THSD7A: variants seen among roughly 807,000 people sequenced by gnomAD.
THSD7A encodes thrombospondin type-1 domain-containing protein 7A.
A neutral mutation model predicts 231.3 loss-of-function variants in THSD7A; 96 were observed. The ratio of observed to expected loss-of-function variants is 0.41; its 90% CI spans 0.35 to 0.49. The LOEUF is 0.49. Ranked by LOEUF, THSD7A falls within the 20% of genes least tolerant of loss-of-function variation. The pLI is 0.05. For missense variants in THSD7A, 2,290 were observed against 2,070.2 expected, an observed-to-expected ratio of 1.11 and a Z score of -2.06; for synonymous variants, 940 against 743.3, an observed-to-expected ratio of 1.26 and a Z score of -4.30.
chr7:11,666,407 A>G lies in THSD7A; in HGVS notation c.191-29446T>C, dbSNP rs143620836. On this transcript the variant is annotated intron_variant, in intron 1 of 27. Transcript: ENST00000423059. Reference sequence around the variant, plus strand: ...AACCATCAGAAAGCAAAGGTGTTAGATGTGGAATTTTCCACTTGTGGCATT... The same window carrying G: ...AACCATCAGAAAGCAAAGGTGTTAGGTGTGGAATTTTCCACTTGTGGCATT... Among the ~76,000 whole-genome samples, 737 of 142,408 alleles carry G rather than the reference A, an allele frequency of 5.2e-3. 6 individuals are homozygous for G. The highest frequency in any genetic ancestry group is 0.019 in the African/African-American group (704 of 37,460). The allele number at this position is 142,408 out of a possible 152,430, so 93.4% of individuals were successfully genotyped here. A position where few individuals can be genotyped will look rare whatever the true frequency, so the allele number is the denominator to read the frequency against.
At chr7:11,508,158 C>T (rs544777065) in intron 6 of THSD7A, among the ~76,000 whole-genome samples, 15 of 152,316 alleles carry the variant, frequency 9.8e-5, no homozygotes, top group Admixed American at 7.8e-4. Context: ...CACCAGGTCC[C>T]TCCCTGGACC....
In THSD7A at chr7:11,648,005, C is replaced by G. The variant is rs112230107; in HGVS notation, c.191-11044G>C. Among the ~76,000 whole-genome samples the G allele has an allele frequency of 3.9e-5, 6 of 152,238 alleles. 1 individual carries two copies. Among genetic ancestry groups the G allele is most frequent in the African/African-American group, 1.4e-4 (6 of 41,574 alleles). Reference sequence around the variant, plus strand: ...GCAGATGCTGCCTGATGGGCATTAACACAGTCCACAAAGATCTGCCCTTTG... The same window carrying G: ...GCAGATGCTGCCTGATGGGCATTAAGACAGTCCACAAAGATCTGCCCTTTG... On this transcript the variant is annotated intron_variant, in intron 1 of 27. Coordinates refer to ENST00000423059, the MANE Select transcript of THSD7A (RefSeq NM_015204.3).
intron 4 of THSD7A, among the ~76,000 whole-genome samples, chr7:11,558,083 A>G (rs1789924573): frequency 6.6e-6 from 1 of 152,136 alleles, no homozygotes. Context: ...ATCTGTGTCC[A>G]CTGATGTTTC....
At chr7:11,775,856 A>G (rs1307477595) in intron 1 of THSD7A, among the ~76,000 whole-genome samples, 1 of 152,188 alleles carries the variant, frequency 6.6e-6, no homozygotes, top group African/African-American at 2.4e-5. Flanking sequence ...TTTTACTGTA[A>G]TTTTAAAAAT....
chr7:11,595,299 A>G (rs1357126223), intron 2 of THSD7A, among the ~76,000 whole-genome samples: 1 of 152,134 alleles, frequency 6.6e-6, no homozygotes, highest in Non-Finnish European at 1.5e-5. Flanking sequence ...GAATTCTCTA[A>G]TTAATATAAA....
intron 13 of THSD7A, among the ~76,000 whole-genome samples, chr7:11,441,956 A>T (rs1784819910): frequency 6.6e-6 from 1 of 152,210 alleles, no homozygotes. Context: ...GGTTCTGCAC[A>T]TGTTTCCCAG....
chr7:11,522,068 A>C (rs966957422), intron 6 of THSD7A, among the ~76,000 whole-genome samples: 3 of 152,206 alleles, frequency 2.0e-5, no homozygotes, highest in African/African-American at 7.2e-5. Context: ...GACCAAAATT[A>C]GGAAAAGTAG....
At chr7:11,438,115 G>C (rs1784690876) in intron 13 of THSD7A, among the ~76,000 whole-genome samples, 1 of 151,830 alleles carries the variant, frequency 6.6e-6, no homozygotes, top group Admixed American at 6.6e-5. Context: ...ATACAAAACA[G>C]TGTTTCATAT....
At chr7:11,576,960 G>A (rs1790937677) in intron 4 of THSD7A, among the ~76,000 whole-genome samples, 1 of 152,168 alleles carries the variant, frequency 6.6e-6, no homozygotes, top group Non-Finnish European at 1.5e-5. Context: ...GGGGAAGCGA[G>A]TATGCTTGCA....
intron 2 of THSD7A, among the ~76,000 whole-genome samples, chr7:11,618,583 C>T (rs12535653): frequency 0.034 from 5,098 of 152,006 alleles, 117 homozygotes; most frequent in Non-Finnish European, 0.053. Context: ...GGGCGGATCA[C>T]GAGGTCAGGA....
At position 11,377,479 on chromosome 7, in the gene THSD7A, A is replaced by G. The variant is rs1271833401; in HGVS notation, c.4802-822T>C. ...TTTGATCTTAGTGTTAAAATTATAG[A>G]TTGGGCAAAATTGACCTCACACAGA... On this transcript the variant is annotated intron_variant, in intron 26 of 27. Coordinates refer to ENST00000423059, the MANE Select transcript of THSD7A (RefSeq NM_015204.3). This position sits in a 1 kb window ranked among gnomAD's most constrained non-coding sequence, Gnocchi z 4.5. 3.3e-5 allele frequency among the ~76,000 whole-genome samples: 5 copies of G among 152,134 alleles called. No individual in the cohort carries two copies. Among genetic ancestry groups the G allele is most frequent in the African/African-American group, 1.2e-4 (5 of 41,456 alleles).
intron 4 of THSD7A, among the ~76,000 whole-genome samples, chr7:11,565,606 A>T (rs1790275652): frequency 7.1e-6 from 1 of 141,240 alleles, no homozygotes; most frequent in Admixed American, 6.8e-5. Flanking sequence ...TTCTAAGGAA[A>T]TGGTTGTGGG....
chr7:11,401,390 G>C (rs2115356424), intron 23 of THSD7A, among the ~76,000 whole-genome samples: 1 of 152,188 alleles, frequency 6.6e-6, no homozygotes, highest in Admixed American at 6.5e-5. Flanking sequence ...TCAGCCTCAA[G>C]TGACATCTGA....
At chr7:11,673,151 C>T (rs12537133) in intron 1 of THSD7A, among the ~76,000 whole-genome samples, 82,952 of 151,908 alleles carry the variant, frequency 0.55, 23,131 homozygotes, top group South Asian at 0.69. Context: ...TGGCAGCCTG[C>T]CTGGAGTCAC....
chr7:11,775,444 G>A (rs912859156), intron 1 of THSD7A, among the ~76,000 whole-genome samples: 3 of 152,200 alleles, frequency 2.0e-5, no homozygotes, highest in Non-Finnish European at 2.9e-5. Flanking sequence ...AGCACCCCAT[G>A]TGTTCATTGA....
chr7:11,694,296 C>T (rs1485032588), intron 1 of THSD7A, among the ~76,000 whole-genome samples: 4 of 151,496 alleles, frequency 2.6e-5, no homozygotes. Flanking sequence ...AGTAGCCCAA[C>T]TGTATGTTTT....
At chr7:11,532,851 A>C (rs1788761757) in intron 6 of THSD7A, among the ~76,000 whole-genome samples, 1 of 152,212 alleles carries the variant, frequency 6.6e-6, no homozygotes, top group East Asian at 1.9e-4. Context: ...AAATGAAAAA[A>C]TAAAACTATT....
At chr7:11,798,219 A>T (rs1562563555) in intron 1 of THSD7A, among the ~76,000 whole-genome samples, 1 of 151,978 alleles carries the variant, frequency 6.6e-6, no homozygotes, top group Non-Finnish European at 1.5e-5. Flanking sequence ...AGAAATAAAT[A>T]CGCAATTTGG....
chr7:11,483,556 T>G (rs1026747141), intron 6 of THSD7A, among the ~76,000 whole-genome samples: 1 of 152,200 alleles, frequency 6.6e-6, no homozygotes, highest in African/African-American at 2.4e-5. Context: ...ACTAAACAGA[T>G]AGTAGATATA....
Sources: gnomAD v4.1 joint callset for allele counts (sites outside exome capture counted in the v4.1 genomes callset) on GRCh38, gnomAD v4.1.1 for gene constraint, Gnocchi (gnomAD v3.1) non-coding constraint, MANE v1.5 for transcripts, NCBI Gene and HGNC (gene_info 2026-07-23, HGNC 2026-07-21) for gene names.